Variants in SLC15A1 observed in about 807,000 individuals in gnomAD.
SLC15A1 encodes the protein solute carrier family 15 member 1, also known as Caco-2 oligopeptide transporter.
Under a neutral mutation model 92.9 loss-of-function variants are expected in SLC15A1, and 83 were observed. That is an observed-to-expected ratio of 0.89 (90% CI 0.75 to 1.07). SLC15A1 has a LOEUF of 1.07. Among genes scored for constraint, SLC15A1 ranks in the 50% least tolerant of loss-of-function variants. The probability of loss-of-function intolerance (pLI) is 0.00; values close to 1 mark genes in which losing one functional copy is unlikely to be tolerated. For missense variants in SLC15A1, 857 were observed against 880.1 expected, an observed-to-expected ratio of 0.97 and a Z score of 0.33; for synonymous variants, 322 against 318.2, an observed-to-expected ratio of 1.01 and a Z score of -0.13.
At chr13:98,703,073 C>G (rs1170820312) in intron 17 of SLC15A1, among the ~76,000 whole-genome samples, 1 of 147,814 alleles carries the variant, frequency 6.8e-6, no homozygotes, top group African/African-American at 2.5e-5. Context: ...TCTCTTGGGG[C>G]CAAGAGTTTG....
chr13:98,696,149 C>T (rs754174410), intron 18 of SLC15A1, among the ~76,000 whole-genome samples: 11 of 151,434 alleles, frequency 7.3e-5, no homozygotes, highest in African/African-American at 2.4e-4. Context: ...CACGGTGGCT[C>T]GCAACTGTAA....
chr13:98,748,029 C>T (rs883962), intron 1 of SLC15A1, among the ~76,000 whole-genome samples: 122,435 of 152,142 alleles, frequency 0.8, 49,292 homozygotes, highest in Non-Finnish European at 0.82. Flanking sequence ...CCCTCCTGCT[C>T]AGACAAACAC....
chr13:98,721,435 G>A, intron 7 of SLC15A1, 60 bp downstream of exon 7: 1 of 1,145,372 alleles, frequency 8.7e-7, no homozygotes, highest in Non-Finnish European at 1.3e-6. Flanking sequence ...AAACGAAGAA[G>A]ACACGGACTT....
intron 22 of SLC15A1, among the ~76,000 whole-genome samples, 179 bp from the exon 23 acceptor site, chr13:98,685,094 C>T (rs537512096): frequency 4.6e-5 from 7 of 152,144 alleles, no homozygotes; most frequent in Admixed American, 2.0e-4. Flanking sequence ...TCTGGAATGC[C>T]CAAGATAGAT....
intron 1 of SLC15A1, among the ~76,000 whole-genome samples, chr13:98,751,594 G>C (rs986759495): frequency 1.3e-5 from 2 of 152,170 alleles, no homozygotes; most frequent in African/African-American, 4.8e-5. Flanking sequence ...GGTCTTTCTG[G>C]AACAGGCACA....
At chr13:98,750,396 C>T (rs146865714) in intron 1 of SLC15A1, among the ~76,000 whole-genome samples, 2,791 of 152,226 alleles carry the variant, frequency 0.018, 93 homozygotes, top group African/African-American at 0.063. Context: ...CAGGTGTGAG[C>T]CACCGCGCCC....
intron 16 of SLC15A1, among the ~76,000 whole-genome samples, chr13:98,705,570 A>C (rs1400292202): frequency 6.6e-6 from 1 of 152,166 alleles, no homozygotes; most frequent in Non-Finnish European, 1.5e-5. Context: ...AGCTAGTTAA[A>C]TGCAGCATTT....
At chr13:98,692,310 T>C (rs2087987174) in intron 18 of SLC15A1, among the ~76,000 whole-genome samples, 1 of 151,962 alleles carries the variant, frequency 6.6e-6, no homozygotes. Context: ...TGCATCACCA[T>C]GCCTGGCTAA....
In SLC15A1 at chr13:98,702,485, T is replaced by C. The variant is rs1843168212; in HGVS notation, c.1461A>G (p.Gly487=). Residue 487 remains glycine, a synonymous_variant, in exon 18 of 23, where the codon GGA becomes GGG. Transcript: ENST00000376503. ...LNQKPEKGEN[G]IRFVNTFNEL... ...TTTTAAAGAAATATACATACCTGAT[T>C]CCATTTTCCCCTTTTTCTGGCTTCT... 1 of 1,605,264 alleles carries C rather than the reference T, an allele frequency of 6.2e-7. No homozygotes were observed. Among genetic ancestry groups the C allele is most frequent in the Non-Finnish European group, 8.5e-7 (1 of 1,172,114 alleles).
At chr13:98,743,712 T>G (rs1371208039) in intron 1 of SLC15A1, among the ~76,000 whole-genome samples, 1 of 116,836 alleles carries the variant, frequency 8.6e-6, no homozygotes, top group Non-Finnish European at 1.9e-5. Context: ...GCTCTCCAAG[T>G]TAGCTTCCTG....
chr13:98,691,934 ATGG>A (rs1208144047), intron 18 of SLC15A1, among the ~76,000 whole-genome samples: 6 of 151,936 alleles, frequency 3.9e-5, no homozygotes, highest in Non-Finnish European at 7.4e-5. Context: ...TTAGCTGGAC[ATGG>A]TGGTGCATGC....
rs76134244 is a variant in SLC15A1, at chr13:98,721,229, T to G, written c.556+266A>C. 5.9e-4 allele frequency: 356 copies of G among 606,752 alleles called. 4 individuals are homozygous for G. The African/African-American group carries it at 6.0e-3, about 10-fold the overall frequency. 37.6% of individuals were successfully genotyped at this position (606,752 alleles called of 1,614,324 possible). ...CTCTTACCACGAGCATGACTTTGCA[T>G]GAATAACAGTTTAGGAAGATGGATG... On this transcript the variant is annotated intron_variant, in intron 7 of 22. Coordinates refer to ENST00000376503, the MANE Select transcript of SLC15A1 (RefSeq NM_005073.4).
chr13:98,740,541 G>A (rs1358517117), intron 1 of SLC15A1, among the ~76,000 whole-genome samples: 1 of 152,066 alleles, frequency 6.6e-6, no homozygotes, highest in African/African-American at 2.4e-5. Flanking sequence ...CATGTGCTAT[G>A]TGGTCTCCCT....
chr13:98,688,779 G>T (rs1453048564), intron 18 of SLC15A1, among the ~76,000 whole-genome samples: 1 of 152,164 alleles, frequency 6.6e-6, no homozygotes, highest in Non-Finnish European at 1.5e-5. Context: ...ACACCTAAAA[G>T]AATGTATTTA....
At chr13:98,747,655 C>T (rs566052478) in intron 1 of SLC15A1, among the ~76,000 whole-genome samples, 39 of 152,164 alleles carry the variant, frequency 2.6e-4, no homozygotes, top group Non-Finnish European at 4.3e-4. Flanking sequence ...CCAAGGCAGG[C>T]GGGTCACCTG....
intron 7 of SLC15A1, among the ~76,000 whole-genome samples, chr13:98,719,658 A>G (rs569492105): frequency 6.6e-6 from 1 of 152,352 alleles, no homozygotes; most frequent in Admixed American, 6.5e-5. Context: ...CAGTAAATCA[A>G]AAGTACACTG....
chr13:98,684,632 A>C lies in SLC15A1; in HGVS notation c.*92T>G. 1 of 896,962 alleles carries C rather than the reference A, an allele frequency of 1.1e-6. No homozygotes were observed. Among genetic ancestry groups the C allele is most frequent in the Non-Finnish European group, 1.8e-6 (1 of 570,946 alleles). The allele number at this position is 896,962 out of a possible 1,614,324, so 55.6% of individuals were successfully genotyped here. The stretch of plus-strand genomic sequence containing the variant: ...AGTTCCCAATTCTGAAGTCTTCCTC[A>C]TCAGGGGCCATCCAATGGAGTGTCC... On this transcript the variant is annotated 3_prime_UTR_variant, in exon 23 of 23. Transcript: ENST00000376503.
chr13:98,686,580 G>A (rs1263792480), intron 21 of SLC15A1, among the ~76,000 whole-genome samples: 1 of 152,186 alleles, frequency 6.6e-6, no homozygotes, highest in Non-Finnish European at 1.5e-5. Context: ...TTCTACAGGA[G>A]AGCTTCCAAG....
chr13:98,726,869 A>G lies in SLC15A1; in HGVS notation c.5-10T>C. 1.2e-6 allele frequency: 2 copies of G among 1,613,256 alleles called. No homozygotes were observed. Among genetic ancestry groups the G allele is most frequent in the Non-Finnish European group, 1.7e-6 (2 of 1,179,154 alleles). On this transcript the variant is annotated splice_polypyrimidine_tract_variant and intron_variant, in intron 1 of 22. Coordinates refer to ENST00000376503, the MANE Select transcript of SLC15A1 (RefSeq NM_005073.4). ...TGTGATTTGGACATTCCTAAAAGAAAAACAGAATCCCAATATTAAAGTCAA... is the reference window on the plus strand; with the variant it reads ...TGTGATTTGGACATTCCTAAAAGAAGAACAGAATCCCAATATTAAAGTCAA...
Sources: allele counts gnomAD v4.1 joint callset (sites outside exome capture counted in the v4.1 genomes callset), GRCh38; gene constraint gnomAD v4.1.1; transcripts MANE v1.5; gene names NCBI Gene and HGNC (gene_info 2026-07-23, HGNC 2026-07-21).